TCF7L1: variants seen among roughly 807,000 people sequenced by gnomAD.
The protein encoded by TCF7L1 is transcription factor 7-like 1.
A neutral mutation model predicts 63.7 loss-of-function variants in TCF7L1; 18 were observed. The observed-to-expected ratio is 0.28, with a 90% CI of 0.20 to 0.42. The LOEUF is 0.42. Among genes scored for constraint, TCF7L1 ranks in the 10% least tolerant of loss-of-function variants. TCF7L1 has a pLI of 1.00. For missense variants in TCF7L1, 654 were observed against 779.3 expected (o/e 0.84, Z 1.91); for synonymous variants, 355 against 340.9 (o/e 1.04, Z -0.46).
At chr2:85,205,559 A>G (rs1189401831) in intron 3 of TCF7L1, among the ~76,000 whole-genome samples, 1 of 150,642 alleles carries the variant, frequency 6.6e-6, no homozygotes, top group Non-Finnish European at 1.5e-5. Flanking sequence ...TTTTCAATAC[A>G]GAGTCTCTGT....
At chr2:85,150,614 A>G (rs1324886640) in intron 3 of TCF7L1, among the ~76,000 whole-genome samples, 1 of 148,464 alleles carries the variant, frequency 6.7e-6, no homozygotes, top group Non-Finnish European at 1.5e-5. Flanking sequence ...GTGTTTCTTC[A>G]TGAGTAGCTT....
chr2:85,254,305 C>T (rs1680656634), intron 3 of TCF7L1, among the ~76,000 whole-genome samples: 1 of 152,260 alleles, frequency 6.6e-6, no homozygotes, highest in African/African-American at 2.4e-5. Flanking sequence ...AGGGGGTCTT[C>T]TGAATTATAA....
At chr2:85,181,748 T>C (rs1678808663) in intron 3 of TCF7L1, among the ~76,000 whole-genome samples, 1 of 152,170 alleles carries the variant, frequency 6.6e-6, no homozygotes, top group South Asian at 2.1e-4. Context: ...TGCACCTGTG[T>C]AGTATCCTCA....
At chr2:85,271,269 C>T (rs1241280970) in intron 3 of TCF7L1, among the ~76,000 whole-genome samples, 2 of 152,172 alleles carry the variant, frequency 1.3e-5, no homozygotes, top group South Asian at 4.1e-4. Context: ...CCCGCCACCA[C>T]ACCCGGCTAA....
chr2:85,239,546 G>A (rs1680277375), intron 3 of TCF7L1, among the ~76,000 whole-genome samples: 1 of 152,208 alleles, frequency 6.6e-6, no homozygotes, highest in Admixed American at 6.5e-5. Flanking sequence ...TCTGTCCCTG[G>A]CCTGCTGGAT....
intron 3 of TCF7L1, among the ~76,000 whole-genome samples, chr2:85,235,786 C>A (rs1680177398): frequency 6.6e-6 from 1 of 152,004 alleles, no homozygotes; most frequent in South Asian, 2.1e-4. Context: ...CTTTGGGAGG[C>A]CAAGGTGGGA....
At chr2:85,288,086 G>A (rs1022375238) in intron 4 of TCF7L1, among the ~76,000 whole-genome samples, 3 of 152,172 alleles carry the variant, frequency 2.0e-5, no homozygotes, top group East Asian at 1.9e-4. Flanking sequence ...CACCACTACC[G>A]CTACCTCTAC....
At position 85,229,012 on chromosome 2, in the gene TCF7L1, C is replaced by T. The variant is rs549719186; in HGVS notation, c.442-54483C>T. 7.9e-5 allele frequency among the ~76,000 whole-genome samples: 10 copies of T among 125,844 alleles called. No homozygotes were observed. The East Asian group carries it at 2.2e-3, about 28-fold the overall frequency. 82.6% of individuals were successfully genotyped at this position (125,844 alleles called of 152,430 possible). On this transcript the variant is annotated intron_variant, in intron 3 of 11. Coordinates refer to ENST00000282111, the MANE Select transcript of TCF7L1 (RefSeq NM_031283.3). ...CTCCAGCCTGGGCGACAGAGAGAGA[C>T]TCTGTCTCAAAAAAAAAAAAAAAAA...
At chr2:85,203,249 T>G (rs1470757135) in intron 3 of TCF7L1, among the ~76,000 whole-genome samples, 1 of 152,244 alleles carries the variant, frequency 6.6e-6, no homozygotes, top group African/African-American at 2.4e-5. Flanking sequence ...TGAGGTATTA[T>G]GTGTATCTTA....
At chr2:85,291,714 G>C (rs756117669) in intron 4 of TCF7L1, among the ~76,000 whole-genome samples, 1 of 152,082 alleles carries the variant, frequency 6.6e-6, no homozygotes, top group Non-Finnish European at 1.5e-5. Context: ...CCGGATTTTG[G>C]TTTTTTGTGC....
intron 3 of TCF7L1, among the ~76,000 whole-genome samples, chr2:85,195,587 C>T (rs1043824374): frequency 1.1e-4 from 16 of 151,998 alleles, no homozygotes; most frequent in African/African-American, 3.6e-4. Flanking sequence ...CACTCTGTTG[C>T]CCAAGCTAGA....
At chr2:85,266,968 C>G (rs1680990132) in intron 3 of TCF7L1, among the ~76,000 whole-genome samples, 1 of 152,212 alleles carries the variant, frequency 6.6e-6, no homozygotes, top group Admixed American at 6.5e-5. Flanking sequence ...CCTGACTGCC[C>G]TTATCTGAGG....
chr2:85,160,933 T>C (rs565991760), intron 3 of TCF7L1, among the ~76,000 whole-genome samples: 1 of 152,242 alleles, frequency 6.6e-6, no homozygotes, highest in Non-Finnish European at 1.5e-5. Context: ...ACATCATTCC[T>C]GTTTAATTGG....
At chr2:85,197,738 T>G (rs1373117558) in intron 3 of TCF7L1, among the ~76,000 whole-genome samples, 1 of 152,236 alleles carries the variant, frequency 6.6e-6, no homozygotes, top group African/African-American at 2.4e-5. Context: ...CATCTGATTT[T>G]TGTGTTGGAG....
intron 3 of TCF7L1, among the ~76,000 whole-genome samples, chr2:85,206,847 T>G (rs1679420718): frequency 6.6e-6 from 1 of 152,212 alleles, no homozygotes; most frequent in Non-Finnish European, 1.5e-5. Context: ...GATATTTTAC[T>G]CTAGGAAAAA....
At chr2:85,198,564 G>A (rs186759260) in intron 3 of TCF7L1, among the ~76,000 whole-genome samples, 5 of 152,342 alleles carry the variant, frequency 3.3e-5, no homozygotes, top group Admixed American at 2.0e-4. Flanking sequence ...TTGCCATTTA[G>A]AAGTGGCTTT....
intron 3 of TCF7L1, among the ~76,000 whole-genome samples, chr2:85,140,435 G>C (rs1433196906): frequency 6.6e-6 from 1 of 151,552 alleles, no homozygotes; most frequent in Non-Finnish European, 1.5e-5. Flanking sequence ...GGGAGCATTG[G>C]GTAAGGTAGG....
intron 3 of TCF7L1, among the ~76,000 whole-genome samples, chr2:85,183,730 C>G (rs1196247611): frequency 1.3e-5 from 2 of 152,028 alleles, no homozygotes; most frequent in African/African-American, 4.8e-5. Context: ...CAAAAGCAAC[C>G]CAAATAAAGT....
chr2:85,144,417 C>CAAAAAAA (rs55964315), intron 3 of TCF7L1, among the ~76,000 whole-genome samples: 11 of 94,970 alleles, frequency 1.2e-4, no homozygotes, highest in Admixed American at 2.4e-4. Flanking sequence ...CCTGTCTCTA[C>CAAAAAAA]AAAAAAAAAA....
Sources: gnomAD v4.1 joint callset for allele counts (sites outside exome capture counted in the v4.1 genomes callset) on GRCh38, gnomAD v4.1.1 for gene constraint, MANE v1.5 for transcripts, NCBI Gene and HGNC (gene_info 2026-07-23, HGNC 2026-07-21) for gene names.